RPN2: variants seen among roughly 807,000 people sequenced by gnomAD.
RPN2 encodes the protein dolichyl-diphosphooligosaccharide--protein glycosyltransferase subunit 2.
A neutral mutation model predicts 71.4 loss-of-function variants in RPN2; 29 were observed. The ratio of observed to expected loss-of-function variants is 0.41; its 90% CI spans 0.30 to 0.55. RPN2 has a LOEUF of 0.55. RPN2 is among the 20% of genes least tolerant of loss of function. The pLI, the probability that RPN2 is intolerant of heterozygous loss-of-function variation, is 0.35. For synonymous variants in RPN2, 308 were observed against 305.0 expected, an observed-to-expected ratio of 1.01 and a Z score of -0.10; for missense variants, 726 against 774.1, an observed-to-expected ratio of 0.94 and a Z score of 0.74.
In RPN2 at chr20:37,184,183, C is replaced by G; in HGVS notation, c.17C>G (p.Ser6Ter). 6.2e-7 allele frequency: 1 copy of G among 1,614,174 alleles called. No homozygotes were observed. Among genetic ancestry groups the G allele is most frequent in the Non-Finnish European group, 8.5e-7 (1 of 1,180,032 alleles). Residue 6 changes from serine (S) to a stop codon, truncating the protein, a stop_gained, in exon 2 of 17, where the codon TCA becomes TGA. Coordinates refer to ENST00000237530, the MANE Select transcript of RPN2 (RefSeq NM_002951.5). LOFTEE classifies it high-confidence loss of function. MAPPG[S>*]STVFLLALTI... ...TGAATGGTTGTTTCCCCCCAAGGTTCAAGCACTGTCTTCCTGTTGGCCCTG... is the reference window on the plus strand; with the variant it reads ...TGAATGGTTGTTTCCCCCCAAGGTTGAAGCACTGTCTTCCTGTTGGCCCTG...
chr20:37,228,824 G>T, intron 12 of RPN2, 80 bp downstream of exon 12: 3 of 1,351,640 alleles, frequency 2.2e-6, no homozygotes, highest in South Asian at 2.4e-5. Context: ...GGGGCATGGG[G>T]CTCTTCACCT....
rs1426793158 is a variant in RPN2, at chr20:37,232,322, GC to G, written c.1614del (p.Thr539ProfsTer10). Reference protein sequence around the residue: ...QHLFREPEKRPPTVVSNTFTA... With the variant: ...QHLFREPEKRXPTVVSNTFTA... ...ACCTGTTCCGCGAGCCTGAGAAGAGGCCCCCCACCGTGGTGTCCAATACATT... is the reference window on the plus strand; with the variant it reads ...ACCTGTTCCGCGAGCCTGAGAAGAGGCCCCCACCGTGGTGTCCAATACATT... On this transcript the variant is annotated frameshift_variant, in exon 14 of 17. Coordinates refer to ENST00000237530, the MANE Select transcript of RPN2 (RefSeq NM_002951.5). LOFTEE classifies it high-confidence loss of function. 1 of 1,614,164 alleles carries G rather than the reference GC, an allele frequency of 6.2e-7. No homozygotes were observed. The highest frequency in any genetic ancestry group is 1.1e-5 in the South Asian group (1 of 91,080).
intron 9 of RPN2, among the ~76,000 whole-genome samples, chr20:37,214,308 A>G (rs2067753676): frequency 6.6e-6 from 1 of 152,204 alleles, no homozygotes. Context: ...GTAAAGGATA[A>G]AAGAAAATCA....
intron 9 of RPN2, among the ~76,000 whole-genome samples, chr20:37,221,932 A>G (rs2067968618): frequency 6.6e-6 from 1 of 152,174 alleles, no homozygotes; most frequent in Non-Finnish European, 1.5e-5. Context: ...GTTTATTATA[A>G]TTATGGTTTG....
chr20:37,206,775 C>G (rs2067519498), intron 6 of RPN2, among the ~76,000 whole-genome samples: 1 of 152,046 alleles, frequency 6.6e-6, no homozygotes, highest in African/African-American at 2.4e-5. Context: ...GTGGCGCGAT[C>G]TTGGCTCACT....
rs754199328 is a variant in RPN2 at position 37,232,386 on chromosome 20, G to A, written c.1672G>A (p.Ala558Thr). ...CCTCTCGCCGTTGCTTCTGCTCTTC[G>A]CTCTGGTGAGTGGCTGTAATTAGCG... ...LILSPLLLLF[A>T]LWIRIGANVS... is the part of the protein sequence containing the mutation. The change falls in exon 14 of 17, where the codon GCT becomes ACT. Residue 558 changes from alanine to threonine, a missense_variant. Coordinates refer to ENST00000237530, the MANE Select transcript of RPN2 (RefSeq NM_002951.5). 24 of 1,614,012 alleles carry A rather than the reference G, an allele frequency of 1.5e-5. No individual in the cohort carries two copies. The highest frequency in any genetic ancestry group is 1.5e-4 in the African/African-American group (11 of 74,914).
chr20:37,205,616 G>A (rs781767984), intron 6 of RPN2, among the ~76,000 whole-genome samples: 10 of 152,098 alleles, frequency 6.6e-5, no homozygotes, highest in Non-Finnish European at 1.2e-4. Flanking sequence ...TGAGTTTTGT[G>A]CCAAGTTTCT....
At chr20:37,181,083 G>T (rs963613197) in intron 1 of RPN2, among the ~76,000 whole-genome samples, 1 of 152,094 alleles carries the variant, frequency 6.6e-6, no homozygotes, top group African/African-American at 2.4e-5. Flanking sequence ...ACAAAAATTA[G>T]CTGGGCATGG....
At chr20:37,184,396 G>T (rs1343706574) in intron 2 of RPN2, 23 bp downstream of exon 2, 3 of 1,604,958 alleles carry the variant, frequency 1.9e-6, no homozygotes, top group East Asian at 4.5e-5. Flanking sequence ...TTGTCCTGGT[G>T]GTCAGGGTGG....
At chr20:37,225,827 T>C (rs2068062214) in intron 11 of RPN2, 25 bp downstream of exon 11, 1 of 1,461,206 alleles carries the variant, frequency 6.8e-7, no homozygotes, top group Admixed American at 1.7e-5. Flanking sequence ...TAGACAGTTC[T>C]CTTAACCTGA....
intron 8 of RPN2, among the ~76,000 whole-genome samples, chr20:37,211,330 C>T (rs906650272): frequency 6.7e-6 from 1 of 150,046 alleles, no homozygotes; most frequent in Non-Finnish European, 1.5e-5. Flanking sequence ...CCATTGTGCC[C>T]GGCCTTTTTT....
Position 37,234,069 on chromosome 20 carries a change from C to T in RPN2, c.1727C>T (p.Thr576Met), listed in dbSNP as rs755601800. The T allele has an allele frequency of 7.4e-6, 12 of 1,614,086 alleles. No individual in the cohort carries two copies. Among genetic ancestry groups the T allele is most frequent in the East Asian group, 2.2e-5 (1 of 44,892 alleles). Residue 576 changes from threonine (T) to methionine (M), a missense_variant, in exon 15 of 17, where the codon ACG becomes ATG. Thr to Met is a moderately conservative substitution (Grantham distance 81). Transcript: ENST00000237530. ...TCCAACTTCACTTTTGCTCCTAGCA[C>T]GATTATATTTCACCTGGGACATGCT... ...NVSNFTFAPS[T>M]IIFHLGHAAM...
chr20:37,201,872 T>C (rs893517123), intron 4 of RPN2, among the ~76,000 whole-genome samples: 5 of 152,146 alleles, frequency 3.3e-5, no homozygotes. Flanking sequence ...AAAAAGAAAA[T>C]ACTTGTAGAT....
chr20:37,207,712 T>A (rs1235381978), intron 7 of RPN2, among the ~76,000 whole-genome samples: 4 of 152,116 alleles, frequency 2.6e-5, no homozygotes, highest in Non-Finnish European at 5.9e-5. Flanking sequence ...GACAGAGTCT[T>A]GCTCTGTCAC....
Position 37,198,245 on chromosome 20 carries a change from G to A in RPN2, c.208-152G>A, listed in dbSNP as rs566276897. The A allele has an allele frequency of 3.2e-5, 46 of 1,436,532 alleles. 1 individual carries two copies. In the African/African-American group the frequency reaches 4.5e-4, roughly 14 times the overall value. The allele number at this position is 1,436,532 out of a possible 1,614,324, so 89.0% of individuals were successfully genotyped here. A position where few individuals can be genotyped will look rare whatever the true frequency, so the allele number is the denominator to read the frequency against. ...GAAGTGAGCAATTTTGGGTAATACC[G>A]TGTCCTATGGAAAGTAACTACTTAA... On this transcript the variant is annotated intron_variant, in intron 2 of 16. Coordinates refer to ENST00000237530, the MANE Select transcript of RPN2 (RefSeq NM_002951.5).
At position 37,232,216 on chromosome 20, in the gene RPN2, A is replaced by T. The variant is rs988207041; in HGVS notation, c.1582-80A>T. 2.3e-5 allele frequency: 36 copies of T among 1,550,006 alleles called. No homozygotes were observed. In the African/African-American group the frequency reaches 4.4e-4, roughly 19 times the overall value. On this transcript the variant is annotated intron_variant, in intron 13 of 16. Coordinates refer to ENST00000237530, the MANE Select transcript of RPN2 (RefSeq NM_002951.5). ...CATATCCTCTTCATGACTGACATTG[A>T]TGCTTTGGTCCCCGGTATACATGGC...
intron 9 of RPN2, among the ~76,000 whole-genome samples, chr20:37,220,834 A>G (rs546808572): frequency 2.6e-5 from 4 of 152,234 alleles, no homozygotes; most frequent in African/African-American, 4.8e-5. Context: ...AGACCCATTT[A>G]TAGTGAGATT....
intron 13 of RPN2, among the ~76,000 whole-genome samples, chr20:37,231,623 G>A (rs1346451486): frequency 6.6e-6 from 1 of 151,590 alleles, no homozygotes; most frequent in African/African-American, 2.4e-5. Context: ...AAGGCAGGAG[G>A]ATCTTTTGAG....
At chr20:37,187,674 C>G (rs2067040425) in intron 2 of RPN2, among the ~76,000 whole-genome samples, 1 of 151,838 alleles carries the variant, frequency 6.6e-6, no homozygotes, top group East Asian at 1.9e-4. Flanking sequence ...GGGTCTCACT[C>G]TTGTCACCCA....
Sources: gnomAD v4.1 joint callset for allele counts (sites outside exome capture counted in the v4.1 genomes callset) on GRCh38, gnomAD v4.1.1 for gene constraint, MANE v1.5 for transcripts, NCBI Gene and HGNC (gene_info 2026-07-23, HGNC 2026-07-21) for gene names.